Variants in INTS9 observed in about 807,000 individuals in gnomAD.
INTS9 encodes the protein protein related to CPSF subunits of 74 kDa.
A neutral mutation model predicts 79.7 loss-of-function variants in INTS9; 55 were observed. The ratio of observed to expected loss-of-function variants is 0.69; its 90% CI spans 0.56 to 0.86. The LOEUF is 0.86. Among genes scored for constraint, INTS9 ranks in the 40% least tolerant of loss-of-function variants. The probability of loss-of-function intolerance (pLI) is 0.00; values close to 1 mark genes in which losing one functional copy is unlikely to be tolerated. For missense variants in INTS9, 721 were observed against 831.5 expected (o/e 0.87, Z 1.64); for synonymous variants, 319 against 325.2 (o/e 0.98, Z 0.20).
At chr8:28,874,319 T>A (rs1444432882) in intron 1 of INTS9, among the ~76,000 whole-genome samples, 2 of 151,504 alleles carry the variant, frequency 1.3e-5, no homozygotes, top group East Asian at 3.9e-4. Flanking sequence ...AGACAGAGTC[T>A]CGCTCTGTCA....
chr8:28,831,232 C>T (rs1806468928), intron 6 of INTS9, among the ~76,000 whole-genome samples: 1 of 152,210 alleles, frequency 6.6e-6, no homozygotes. Flanking sequence ...ACCGCGTGTT[C>T]TCACTTTTAA....
At chr8:28,853,498 G>A (rs1450934005) in intron 2 of INTS9, among the ~76,000 whole-genome samples, 1 of 151,354 alleles carries the variant, frequency 6.6e-6, no homozygotes, top group Non-Finnish European at 1.5e-5. Flanking sequence ...TTATAGAAGA[G>A]CACATCTTTG....
At chr8:28,857,483 G>A (rs1004892897) in intron 2 of INTS9, among the ~76,000 whole-genome samples, 1 of 151,568 alleles carries the variant, frequency 6.6e-6, no homozygotes, top group Non-Finnish European at 1.5e-5. Flanking sequence ...ATGCTGAAGG[G>A]GAAAAACGAA....
intron 6 of INTS9, among the ~76,000 whole-genome samples, chr8:28,825,526 T>C (rs1187189574): frequency 1.3e-5 from 2 of 152,224 alleles, no homozygotes; most frequent in Non-Finnish European, 2.9e-5. Flanking sequence ...CCACGTGGGC[T>C]TTCCTTCCTG....
chr8:28,824,263 T>A (rs532208331), intron 6 of INTS9, among the ~76,000 whole-genome samples: 20 of 152,240 alleles, frequency 1.3e-4, no homozygotes, highest in African/African-American at 4.6e-4. Flanking sequence ...CAAATGCAAA[T>A]CTCAAGATCT....
At chr8:28,804,761 T>C (rs1804715694) in intron 8 of INTS9, among the ~76,000 whole-genome samples, 1 of 152,194 alleles carries the variant, frequency 6.6e-6, no homozygotes, top group Non-Finnish European at 1.5e-5. Flanking sequence ...TAGGAATATA[T>C]GTATTAAAAT....
intron 4 of INTS9, among the ~76,000 whole-genome samples, chr8:28,843,025 T>C (rs1286357358): frequency 6.6e-6 from 1 of 152,200 alleles, no homozygotes; most frequent in Non-Finnish European, 1.5e-5. Flanking sequence ...CATGGGATTA[T>C]GGGTGGCCAA....
chr8:28,876,292 T>C (rs1809381680), intron 1 of INTS9, among the ~76,000 whole-genome samples: 1 of 152,240 alleles, frequency 6.6e-6, no homozygotes, highest in South Asian at 2.1e-4. Context: ...ATTATTTCTA[T>C]GAGTCTGTTA....
chr8:28,867,645 G>A (rs1396539413), intron 1 of INTS9, among the ~76,000 whole-genome samples: 2 of 150,678 alleles, frequency 1.3e-5, no homozygotes, highest in Admixed American at 6.6e-5. Flanking sequence ...AAAAAATTTG[G>A]CAAATTAGTA....
At chr8:28,847,419 C>T (rs1282778232) in intron 3 of INTS9, among the ~76,000 whole-genome samples, 3 of 152,026 alleles carry the variant, frequency 2.0e-5, no homozygotes, top group South Asian at 4.1e-4. Context: ...ACCACCATCA[C>T]CACCTCCTCC....
At chr8:28,780,328 A>C (rs937834429) in intron 12 of INTS9, 1 of 977,606 alleles carries the variant, frequency 1.0e-6, no homozygotes, top group Admixed American at 6.3e-5. Flanking sequence ...CCTAGCATTC[A>C]AAGGGCTGGG....
intron 6 of INTS9, among the ~76,000 whole-genome samples, chr8:28,832,370 C>T (rs968316044): frequency 1.3e-5 from 2 of 152,214 alleles, no homozygotes; most frequent in African/African-American, 4.8e-5. Flanking sequence ...TGAAGCCACG[C>T]CCACACCATA....
At chr8:28,781,934 C>T (rs746731669) in intron 11 of INTS9, among the ~76,000 whole-genome samples, 18 of 152,138 alleles carry the variant, frequency 1.2e-4, no homozygotes, top group Admixed American at 7.2e-4. Context: ...GGGCTTTGGG[C>T]GAGAGTGACG....
intron 10 of INTS9, among the ~76,000 whole-genome samples, chr8:28,790,581 G>C (rs1803868654): frequency 6.6e-6 from 1 of 152,126 alleles, no homozygotes; most frequent in Non-Finnish European, 1.5e-5. Context: ...TCCCGCCTTG[G>C]CCTCCTAAAG....
In INTS9 at chr8:28,875,994, C is replaced by T. The variant is rs569895907; in HGVS notation, c.9+13880G>A. Among the ~76,000 whole-genome samples the T allele has an allele frequency of 2.0e-5, 3 of 152,310 alleles. No homozygotes were observed. The East Asian group carries it at 5.8e-4, about 29-fold the overall frequency. On this transcript the variant is annotated intron_variant, in intron 1 of 16. Transcript: ENST00000521022. ...CAGTTTCCTCCTACTGGATACATAG[C>T]TTCAATCGAAAACCATTTAAAAATA...
intron 1 of INTS9, among the ~76,000 whole-genome samples, chr8:28,879,089 C>A (rs372635393): frequency 5.3e-5 from 8 of 152,088 alleles, no homozygotes; most frequent in African/African-American, 1.9e-4. Flanking sequence ...TCTATGAGAA[C>A]AATATTACCT....
At chr8:28,831,064 G>A (rs1196145442) in intron 6 of INTS9, among the ~76,000 whole-genome samples, 1 of 152,058 alleles carries the variant, frequency 6.6e-6, no homozygotes, top group Admixed American at 6.6e-5. Flanking sequence ...CAACCAAAAT[G>A]CCCATCAATG....
intron 11 of INTS9, among the ~76,000 whole-genome samples, chr8:28,785,188 C>T (rs241191): frequency 0.77 from 117,418 of 152,190 alleles, 45,520 homozygotes; most frequent in Non-Finnish European, 0.8. Flanking sequence ...TTAACGTTGA[C>T]TGCATATGTC....
chr8:28,832,232 C>T lies in INTS9; in HGVS notation c.488+3060G>A, dbSNP rs75223347. On this transcript the variant is annotated intron_variant, in intron 6 of 16. Coordinates refer to ENST00000521022, the MANE Select transcript of INTS9 (RefSeq NM_018250.4). ...AAGAAAAGAAGGGAGGTATCAGAAC[C>T]GAGGGCAAGAGAAAAGGGAGCTGGG... Among the ~76,000 whole-genome samples the T allele has an allele frequency of 4.9e-4, 75 of 152,108 alleles. 2 individuals carry two copies. In the East Asian group the frequency reaches 0.012, roughly 24 times the overall value.
Sources: allele counts gnomAD v4.1 joint callset (sites outside exome capture counted in the v4.1 genomes callset), GRCh38; gene constraint gnomAD v4.1.1; transcripts MANE v1.5; gene names NCBI Gene and HGNC (gene_info 2026-07-23, HGNC 2026-07-21).